Variants in EIF2B2 observed in about 807,000 individuals in gnomAD.
EIF2B2 encodes translation initiation factor eIF2B subunit beta.
EIF2B2 carries 34 observed loss-of-function variants against 34.7 expected under a neutral mutation model. The ratio of observed to expected loss-of-function variants is 0.98; its 90% CI spans 0.75 to 1.31. EIF2B2 has a LOEUF of 1.31. EIF2B2 is among the 50% of genes most tolerant of loss of function. The pLI is 0.00. For synonymous variants in EIF2B2, 155 were observed against 171.6 expected (o/e 0.90, Z 0.76); for missense variants, 361 against 447.7 (o/e 0.81, Z 1.75).
rs991513081 is a variant in EIF2B2 at position 75,006,044 on chromosome 14, G to A, written c.693+83G>A. 2.6e-6 allele frequency: 3 copies of A among 1,136,952 alleles called. No individual in the cohort carries two copies. Among genetic ancestry groups the A allele is most frequent in the East Asian group, 2.4e-5 (1 of 41,462 alleles). 70.4% of individuals were successfully genotyped at this position (1,136,952 alleles called of 1,614,324 possible). ...TTTTATCTCCTCCTGTAATATCCAC[G>A]GTGAGAGAATAAAGTTTCTAGCACC... On this transcript the variant is annotated intron_variant, in intron 5 of 7. Coordinates refer to ENST00000266126, the MANE Select transcript of EIF2B2 (RefSeq NM_014239.4). The surrounding 1 kb of genome is among the most constrained non-coding windows in gnomAD (Gnocchi z 4.1).
At position 75,004,901 on chromosome 14, in the gene EIF2B2, G is replaced by GT. The variant is rs781754516; in HGVS notation, c.597+2dup. ...AGCAGAGTGTGCTCCTTTCTGCCAG[G>GT]TAAGGAGACTGCTGGAGTTGCTACT... is the stretch of plus-strand genomic sequence containing the variant. On this transcript the variant is annotated splice_donor_variant, in intron 4 of 7. Transcript: ENST00000266126. LOFTEE classifies it high-confidence loss of function. The GT allele has an allele frequency of 6.2e-7, 1 of 1,610,450 alleles. No individual in the cohort carries two copies. Among genetic ancestry groups the GT allele is most frequent in the Non-Finnish European group, 8.5e-7 (1 of 1,178,126 alleles).
intron 7 of EIF2B2, 33 bp from the exon 8 acceptor site, chr14:75,008,998 G>GT: frequency 6.2e-7 from 1 of 1,613,800 alleles, no homozygotes; most frequent in Non-Finnish European, 8.5e-7. Flanking sequence ...GGGAGCCTCA[G>GT]TTTTACCTTT....
intron 7 of EIF2B2, 136 bp downstream of exon 7, chr14:75,007,924 T>C (rs1480538866): frequency 1.2e-6 from 1 of 813,912 alleles, no homozygotes; most frequent in African/African-American, 1.7e-5. Flanking sequence ...ATCATACTTC[T>C]TGTGGGGACT....
intron 4 of EIF2B2, among the ~76,000 whole-genome samples, chr14:75,005,591 T>C (rs1889615775): frequency 6.6e-6 from 1 of 152,190 alleles, no homozygotes; most frequent in South Asian, 2.1e-4. Context: ...GCAATCGTGA[T>C]TATATTATAC....
intron 6 of EIF2B2, chr14:75,007,303 A>G: frequency 2.8e-6 from 1 of 358,636 alleles, no homozygotes. Context: ...CACTGTAGAA[A>G]AACACCCTGT....
intron 3 of EIF2B2, 44 bp downstream of exon 3, chr14:75,003,743 C>G (rs175041): frequency 6.2e-7 from 1 of 1,613,440 alleles, no homozygotes; most frequent in East Asian, 2.2e-5. Flanking sequence ...GTCACAGGCA[C>G]ATAAGGGAAC....
Position 75,009,282 on chromosome 14 carries a change from G to C in EIF2B2, c.*94G>C. On this transcript the variant is annotated 3_prime_UTR_variant, in exon 8 of 8. Transcript: ENST00000266126. The stretch of plus-strand genomic sequence containing the variant: ...GCTGAAGCACATCCTTGCAATGTGG[G>C]AGTGCACAGGAGTCCACCTAAAAAA... The C allele has an allele frequency of 6.8e-7, 1 of 1,471,444 alleles. No individual in the cohort carries two copies. Among genetic ancestry groups the C allele is most frequent in the Non-Finnish European group, 9.5e-7 (1 of 1,057,964 alleles). The allele number at this position is 1,471,444 out of a possible 1,614,324, so 91.1% of individuals were successfully genotyped here. A position where few individuals can be genotyped will look rare whatever the true frequency, so the allele number is the denominator to read the frequency against.
chr14:75,005,866 G>A lies in EIF2B2; in HGVS notation c.598G>A (p.Gly200Ser), dbSNP rs149784396. 2 of 1,611,662 alleles carry A rather than the reference G, an allele frequency of 1.2e-6. No homozygotes were observed. The highest frequency in any genetic ancestry group is 1.3e-5 in the African/African-American group (1 of 74,814). ...IVAECAPFCQ[G>S]HEMAVNLSKA... Reference sequence around the variant, plus strand: ...AATCAGCCTTTCCCTCCCATTGCAGGGTCATGAAATGGCTGTGAATTTGTC... The same window carrying A: ...AATCAGCCTTTCCCTCCCATTGCAGAGTCATGAAATGGCTGTGAATTTGTC... Residue 200 changes from glycine to serine, a missense_variant and splice_region_variant, in exon 5 of 8, where the codon GGT (glycine) becomes AGT (serine). By Grantham distance (56) the Gly-to-Ser change is moderately conservative. Coordinates refer to ENST00000266126, the MANE Select transcript of EIF2B2 (RefSeq NM_014239.4).
intron 3 of EIF2B2, 48 bp from the exon 4 acceptor site, chr14:75,004,689 A>ATATATATATTTATTT: frequency 6.8e-6 from 1 of 146,204 alleles, no homozygotes; most frequent in African/African-American, 7.2e-5. Flanking sequence ...ATATATATAT[A>ATATATATATTTATTT]TTTTTTTTTT....
In EIF2B2 at chr14:75,005,970, A is replaced by G. The variant is rs1229946876; in HGVS notation, c.693+9A>G. 6.3e-7 allele frequency: 1 copy of G among 1,599,510 alleles called. No homozygotes were observed. The highest frequency in any genetic ancestry group is 1.7e-5 in the Admixed American group (1 of 59,968). On this transcript the variant is annotated intron_variant, in intron 5 of 7. Coordinates refer to ENST00000266126, the MANE Select transcript of EIF2B2 (RefSeq NM_014239.4). ...TGTCAAGAGTCAACAAGGTGGGTAT[A>G]TCTGGAGTTATGTTGAATTCATGAA...
chr14:75,003,467 A>G, intron 2 of EIF2B2, 72 bp downstream of exon 2: 1 of 1,613,950 alleles, frequency 6.2e-7, no homozygotes, highest in Non-Finnish European at 8.5e-7. Flanking sequence ...ACCTGCTCGG[A>G]GACTTTATTG....
At chr14:75,005,126 C>A in intron 4 of EIF2B2, 1 of 471,472 alleles carries the variant, frequency 2.1e-6, no homozygotes, top group Non-Finnish European at 3.9e-6. Flanking sequence ...GCCTGTAATC[C>A]CAGCACTTTG....
chr14:75,005,268 T>C (rs998814651), intron 4 of EIF2B2, among the ~76,000 whole-genome samples: 3 of 151,846 alleles, frequency 2.0e-5, no homozygotes, highest in Admixed American at 2.0e-4. Context: ...TCCCAGCTAC[T>C]CTGGAGGGTG....
At position 75,006,150 on chromosome 14, in the gene EIF2B2, G is replaced by C. The variant is rs371423694; in HGVS notation, c.693+189G>C. On this transcript the variant is annotated intron_variant, in intron 5 of 7. Transcript: ENST00000266126. This position sits in a 1 kb window ranked among gnomAD's most constrained non-coding sequence, Gnocchi z 4.1. Reference sequence around the variant, plus strand: ...TTTTCTGCATCATTGTTCCTCTCTTGGAGTAGCCTCTAAATTTGGTTGAAG... The same window carrying C: ...TTTTCTGCATCATTGTTCCTCTCTTCGAGTAGCCTCTAAATTTGGTTGAAG... Among the ~76,000 whole-genome samples, 4 of 152,074 alleles carry C rather than the reference G, an allele frequency of 2.6e-5. No homozygotes were observed. Among genetic ancestry groups the C allele is most frequent in the Non-Finnish European group, 5.9e-5 (4 of 68,024 alleles).
rs546027923 is a variant in EIF2B2 at position 75,003,207 on chromosome 14, C to G, written c.163+54C>G. 13 of 1,613,392 alleles carry G rather than the reference C, an allele frequency of 8.1e-6. No homozygotes were observed. The East Asian group carries it at 2.7e-4, about 33-fold the overall frequency. Reference sequence around the variant, plus strand: ...CCTGGCCCCTGTCTGTTCCCGATCCCAGGGCTGAAAATTTCCCAGGCCTCA... The same window carrying G: ...CCTGGCCCCTGTCTGTTCCCGATCCGAGGGCTGAAAATTTCCCAGGCCTCA... On this transcript the variant is annotated intron_variant, in intron 1 of 7. Coordinates refer to ENST00000266126, the MANE Select transcript of EIF2B2 (RefSeq NM_014239.4).
Position 75,009,357 on chromosome 14 carries a change from C to G in EIF2B2, c.*169C>G. 1 of 756,552 alleles carries G rather than the reference C, an allele frequency of 1.3e-6. No individual in the cohort carries two copies. Among genetic ancestry groups the G allele is most frequent in the South Asian group, 1.5e-5 (1 of 65,364 alleles). 46.9% of individuals were successfully genotyped at this position (756,552 alleles called of 1,614,324 possible). Reference sequence around the variant, plus strand: ...CTTTTTAGTCACCCCGTAACAAGGGCACACATCCAGGACTGTGTCTTGCCT... The same window carrying G: ...CTTTTTAGTCACCCCGTAACAAGGGGACACATCCAGGACTGTGTCTTGCCT... On this transcript the variant is annotated 3_prime_UTR_variant, in exon 8 of 8. Coordinates refer to ENST00000266126, the MANE Select transcript of EIF2B2 (RefSeq NM_014239.4).
chr14:75,008,627 T>G (rs1317768013), intron 7 of EIF2B2: 3 of 331,886 alleles, frequency 9.0e-6, no homozygotes, highest in Non-Finnish European at 1.8e-5. Flanking sequence ...ACATTTCAGC[T>G]GAGTCCTGAA....
Position 75,009,324 on chromosome 14 carries a change from T to C in EIF2B2, c.*136T>C. The C allele has an allele frequency of 4.7e-6, 5 of 1,073,130 alleles. No homozygotes were observed. Among genetic ancestry groups the C allele is most frequent in the Non-Finnish European group, 7.1e-6 (5 of 706,570 alleles). The allele number at this position is 1,073,130 out of a possible 1,614,324, so 66.5% of individuals were successfully genotyped here. ...CCTAAAAAAAAAATCCTTGATACTG[T>C]TGCCTGCCTTTTTAGTCACCCCGTA... On this transcript the variant is annotated 3_prime_UTR_variant, in exon 8 of 8. Coordinates refer to ENST00000266126, the MANE Select transcript of EIF2B2 (RefSeq NM_014239.4).
chr14:75,003,586 A>G lies in EIF2B2; in HGVS notation c.320A>G (p.Glu107Gly). The change falls in exon 3 of 8, where the codon GAG becomes GGG. Residue 107 changes from glutamate (E) to glycine (G), a missense_variant. Glu to Gly is a moderately conservative substitution (Grantham distance 98, BLOSUM62 -2). Transcript: ENST00000266126. ...HGRSDESDQQ[E>G]SLHKLLTSGG... ...CGCAGCGACGAGAGTGATCAGCAGGAGTCCCTGCACAAACTGTTGACATCC... is the reference window on the plus strand; with the variant it reads ...CGCAGCGACGAGAGTGATCAGCAGGGGTCCCTGCACAAACTGTTGACATCC... The G allele has an allele frequency of 6.2e-7, 1 of 1,614,190 alleles. No homozygotes were observed. The highest frequency in any genetic ancestry group is 8.5e-7 in the Non-Finnish European group (1 of 1,180,032).
Sources: gnomAD v4.1 joint callset for allele counts (sites outside exome capture counted in the v4.1 genomes callset) on GRCh38, gnomAD v4.1.1 for gene constraint, Gnocchi (gnomAD v3.1) non-coding constraint, MANE v1.5 for transcripts, NCBI Gene and HGNC (gene_info 2026-07-23, HGNC 2026-07-21) for gene names.